CACNG2: variants seen among roughly 807,000 people sequenced by gnomAD.
CACNG2 encodes voltage-dependent calcium channel gamma-2 subunit.
In CACNG2, 3 loss-of-function variants were observed where a neutral mutation model predicts 25.9. That is an observed-to-expected ratio of 0.12 (90% CI 0.05 to 0.30). CACNG2 has a LOEUF of 0.30. CACNG2 is among the 10% of genes least tolerant of loss of function. The pLI, the probability that CACNG2 is intolerant of heterozygous loss-of-function variation, is 1.00. For missense variants in CACNG2, 341 were observed against 432.5 expected (o/e 0.79, Z 1.88); for synonymous variants, 167 against 173.3 (o/e 0.96, Z 0.29).
chr22:36,587,558 A>C lies in CACNG2; in HGVS notation c.212-10T>G. The C allele has an allele frequency of 6.3e-7, 1 of 1,594,798 alleles. No individual in the cohort carries two copies. The highest frequency in any genetic ancestry group is 8.6e-7 in the Non-Finnish European group (1 of 1,162,272). On this transcript the variant is annotated splice_polypyrimidine_tract_variant and intron_variant, in intron 1 of 3. Coordinates refer to ENST00000300105, the MANE Select transcript of CACNG2 (RefSeq NM_006078.5). ...AGACCTTTGAAATTCCCTGCAAAACAAGGGGAGAAGGAGCACATGAAACAT... is the reference window on the plus strand; with the variant it reads ...AGACCTTTGAAATTCCCTGCAAAACCAGGGGAGAAGGAGCACATGAAACAT...
intron 1 of CACNG2, among the ~76,000 whole-genome samples, chr22:36,659,593 C>T (rs1936758704): frequency 2.1e-5 from 3 of 146,246 alleles, no homozygotes; most frequent in Non-Finnish European, 4.5e-5. Flanking sequence ...ATTACCTGGC[C>T]CCAGGAAGGA....
At chr22:36,630,640 G>A (rs937846298) in intron 1 of CACNG2, among the ~76,000 whole-genome samples, 5 of 152,092 alleles carry the variant, frequency 3.3e-5, no homozygotes, top group Admixed American at 3.3e-4. Context: ...GACCCTGAAG[G>A]CCTTTACAAA....
chr22:36,699,915 A>G (rs773697762), intron 1 of CACNG2, among the ~76,000 whole-genome samples: 10 of 152,222 alleles, frequency 6.6e-5, no homozygotes, highest in Non-Finnish European at 4.4e-5. Context: ...CCAAGGCCCA[A>G]CTTCCTAAGG....
At chr22:36,686,440 T>C (rs532714073) in intron 1 of CACNG2, among the ~76,000 whole-genome samples, 2 of 152,246 alleles carry the variant, frequency 1.3e-5, no homozygotes, top group South Asian at 4.2e-4. Flanking sequence ...GTGGGAGAGA[T>C]AGGGGAGCCC....
intron 2 of CACNG2, among the ~76,000 whole-genome samples, chr22:36,577,421 G>A (rs1235400814): frequency 1.3e-5 from 2 of 152,054 alleles, no homozygotes; most frequent in African/African-American, 4.8e-5. Flanking sequence ...GGAGGCCGAG[G>A]CGGGTGGATC....
chr22:36,697,078 G>C (rs1373910920), intron 1 of CACNG2, among the ~76,000 whole-genome samples: 1 of 152,160 alleles, frequency 6.6e-6, no homozygotes, highest in African/African-American at 2.4e-5. Flanking sequence ...ATTTACACTG[G>C]GGACAGCTCC....
At chr22:36,580,427 C>T (rs1935395175) in intron 2 of CACNG2, among the ~76,000 whole-genome samples, 2 of 152,152 alleles carry the variant, frequency 1.3e-5, no homozygotes, top group Non-Finnish European at 1.5e-5. Context: ...GTGTACCTCT[C>T]TTGTGTGTGT....
intron 1 of CACNG2, among the ~76,000 whole-genome samples, chr22:36,616,224 C>T (rs1040882449): frequency 6.6e-6 from 1 of 152,140 alleles, no homozygotes; most frequent in African/African-American, 2.4e-5. Context: ...TGGTGTGATG[C>T]TTAGAGAAGT....
At chr22:36,699,852 G>C (rs756508034) in intron 1 of CACNG2, among the ~76,000 whole-genome samples, 1 of 152,238 alleles carries the variant, frequency 6.6e-6, no homozygotes, top group Admixed American at 6.5e-5. Context: ...TTGGAGATCA[G>C]TGCAGTCTTT....
intron 1 of CACNG2, among the ~76,000 whole-genome samples, chr22:36,697,664 A>G (rs73884141): frequency 0.019 from 2,819 of 152,312 alleles, 86 homozygotes; most frequent in African/African-American, 0.065. Context: ...GAGAATGGCT[A>G]GGAATGCAAG....
intron 2 of CACNG2, among the ~76,000 whole-genome samples, chr22:36,570,588 C>T (rs1026007470): frequency 2.6e-5 from 4 of 151,674 alleles, no homozygotes; most frequent in Admixed American, 6.6e-5. Context: ...GGTGAAACCC[C>T]GTCTCTACTG....
intron 2 of CACNG2, among the ~76,000 whole-genome samples, chr22:36,581,250 G>A (rs1294413723): frequency 2.6e-5 from 4 of 152,194 alleles, no homozygotes; most frequent in African/African-American, 4.8e-5. Flanking sequence ...GGAGGCCGGG[G>A]TAGTGATGAG....
chr22:36,670,794 G>C lies in CACNG2; in HGVS notation c.211+31572C>G, dbSNP rs118135637. On this transcript the variant is annotated intron_variant, in intron 1 of 3. Coordinates refer to ENST00000300105, the MANE Select transcript of CACNG2 (RefSeq NM_006078.5). Reference sequence around the variant, plus strand: ...CTACAGGGGAACATCACTGCACTCTGCTAATTTTTTAAATTAGCCTCATCA... The same window carrying C: ...CTACAGGGGAACATCACTGCACTCTCCTAATTTTTTAAATTAGCCTCATCA... Among the ~76,000 whole-genome samples, 169 of 152,112 alleles carry C rather than the reference G, an allele frequency of 1.1e-3. 3 individuals carry two copies. In the East Asian group the frequency reaches 0.029, roughly 26 times the overall value.
intron 1 of CACNG2, among the ~76,000 whole-genome samples, chr22:36,636,685 A>AG (rs1936362514): frequency 1.3e-5 from 2 of 152,106 alleles, no homozygotes; most frequent in African/African-American, 4.8e-5. Flanking sequence ...TTATTTAACA[A>AG]GTCTCAGAAA....
intron 1 of CACNG2, among the ~76,000 whole-genome samples, chr22:36,678,993 C>G (rs963793381): frequency 6.0e-4 from 91 of 152,242 alleles, no homozygotes; most frequent in Non-Finnish European, 8.8e-5. Flanking sequence ...CAGCACAGCA[C>G]TGAGTAGGTA....
rs186533355 is a variant in CACNG2, at chr22:36,585,873, G to A, written c.295+1592C>T. On this transcript the variant is annotated intron_variant, in intron 2 of 3. Transcript: ENST00000300105. ...AGGAAATGGAGGCATTGAGTTGTTA[G>A]GAATTGCTACTGAAGAATCCTCTAT... Among the ~76,000 whole-genome samples the A allele has an allele frequency of 8.5e-5, 13 of 152,366 alleles. No individual in the cohort carries two copies. The South Asian group carries it at 2.3e-3, about 27-fold the overall frequency.
Position 36,561,316 on chromosome 22 carries a change from T to C in CACNG2, c.*3035A>G, listed in dbSNP as rs1935024755. 2.0e-5 allele frequency: 3 copies of C among 152,322 alleles called. No individual in the cohort carries two copies. The highest frequency in any genetic ancestry group is 4.4e-5 in the Non-Finnish European group (3 of 68,118). 9.4% of individuals were successfully genotyped at this position (152,322 alleles called of 1,614,324 possible). ...TCCCTTCTCCCTTCGCTCTCATCCT[T>C]GATCCCTTTAGGTCTGGAATCTGGT... On this transcript the variant is annotated 3_prime_UTR_variant, in exon 4 of 4. Transcript: ENST00000300105.
At chr22:36,654,073 A>C (rs910300255) in intron 1 of CACNG2, among the ~76,000 whole-genome samples, 4 of 151,614 alleles carry the variant, frequency 2.6e-5, no homozygotes, top group African/African-American at 9.7e-5. Flanking sequence ...TTTCAGAACA[A>C]AAAAAGGAAC....
chr22:36,691,679 TA>T (rs1366861165), intron 1 of CACNG2, among the ~76,000 whole-genome samples: 9 of 152,196 alleles, frequency 5.9e-5, no homozygotes, highest in Admixed American at 2.0e-4. Context: ...GCAAGTTACT[TA>T]ACATCTCTGA....
Sources: allele counts gnomAD v4.1 joint callset (sites outside exome capture counted in the v4.1 genomes callset), GRCh38; gene constraint gnomAD v4.1.1; transcripts MANE v1.5; gene names NCBI Gene and HGNC (gene_info 2026-07-23, HGNC 2026-07-21).